SPAG16: variants seen among roughly 807,000 people sequenced by gnomAD.
SPAG16 encodes the protein sperm associated antigen 16.
A neutral mutation model predicts 80.4 loss-of-function variants in SPAG16; 86 were observed. The ratio of observed to expected loss-of-function variants is 1.07; its 90% CI spans 0.90 to 1.28. The LOEUF (loss-of-function observed/expected upper bound fraction) is 1.28, where lower values mean the gene tolerates loss of function less well. Among genes scored for constraint, SPAG16 ranks in the 50% most tolerant of loss-of-function variants. The pLI, the probability that SPAG16 is intolerant of heterozygous loss-of-function variation, is 0.00. For synonymous variants in SPAG16, 294 were observed against 265.9 expected, an observed-to-expected ratio of 1.11 and a Z score of -1.03; for missense variants, 870 against 765.3, an observed-to-expected ratio of 1.14 and a Z score of -1.61.
intron 11 of SPAG16, among the ~76,000 whole-genome samples, chr2:213,915,177 T>A (rs749346731): frequency 6.6e-6 from 1 of 152,000 alleles, no homozygotes; most frequent in Non-Finnish European, 1.5e-5. Context: ...ATGTGCAGAA[T>A]GTGCAGGTTT....
intron 12 of SPAG16, among the ~76,000 whole-genome samples, chr2:213,948,743 C>T (rs997204342): frequency 6.6e-6 from 1 of 152,156 alleles, no homozygotes; most frequent in Admixed American, 6.6e-5. Context: ...TTATTCTCTG[C>T]CTCACATTTT....
intron 15 of SPAG16, among the ~76,000 whole-genome samples, chr2:214,150,955 A>T (rs1238517466): frequency 6.6e-6 from 1 of 152,018 alleles, no homozygotes; most frequent in Non-Finnish European, 1.5e-5. Context: ...GTGATACACT[A>T]ATATTAAGAA....
rs1247851541 is a variant in SPAG16 at position 213,284,548 on chromosome 2, G to T, written c.65G>T (p.Gly22Val). The T allele has an allele frequency of 3.1e-6, 5 of 1,604,812 alleles. No individual in the cohort carries two copies. The highest frequency in any genetic ancestry group is 1.7e-5 in the Admixed American group (1 of 58,856). ...GTCCTGGAAGAGGCGTTGGGCATGGGTTTGACGGCAGCCGGGGACGCGAGG... is the reference window on the plus strand; with the variant it reads ...GTCCTGGAAGAGGCGTTGGGCATGGTTTTGACGGCAGCCGGGGACGCGAGG... The part of the protein sequence containing the change: ...VRVLEEALGM[G>V]LTAAGDARDT... Residue 22 changes from glycine (G) to valine (V), a missense_variant, in exon 1 of 16, where the codon GGT (glycine) becomes GTT (valine). Transcript: ENST00000331683.
At chr2:213,876,274 C>T (rs1385933841) in intron 11 of SPAG16, among the ~76,000 whole-genome samples, 1 of 112,302 alleles carries the variant, frequency 8.9e-6, no homozygotes, top group African/African-American at 3.5e-5. Flanking sequence ...CATAAGGGGA[C>T]AGAAAATCTG....
chr2:214,150,970 A>G (rs1007356665), intron 15 of SPAG16, among the ~76,000 whole-genome samples: 2 of 152,096 alleles, frequency 1.3e-5, no homozygotes, highest in African/African-American at 4.8e-5. Context: ...TAAGAAAAGC[A>G]TAAGAATCAG....
At chr2:213,876,048 A>C (rs943431344) in intron 11 of SPAG16, among the ~76,000 whole-genome samples, 1 of 152,248 alleles carries the variant, frequency 6.6e-6, no homozygotes, top group Admixed American at 6.5e-5. Context: ...CCTAACTTTG[A>C]TGAAGAAAAT....
chr2:214,091,720 A>G (rs1471702490), intron 13 of SPAG16, among the ~76,000 whole-genome samples: 1 of 152,092 alleles, frequency 6.6e-6, no homozygotes, highest in South Asian at 2.1e-4. Context: ...TTATGCATTT[A>G]AATATGTCTG....
At chr2:213,797,436 G>A (rs1343286472) in intron 10 of SPAG16, among the ~76,000 whole-genome samples, 1 of 152,054 alleles carries the variant, frequency 6.6e-6, no homozygotes, top group East Asian at 1.9e-4. Flanking sequence ...TGGATTTTTA[G>A]CATTACTTTT....
intron 10 of SPAG16, among the ~76,000 whole-genome samples, chr2:213,527,842 A>G (rs927497531): frequency 6.6e-6 from 1 of 152,232 alleles, no homozygotes; most frequent in Admixed American, 6.5e-5. Flanking sequence ...ACCCATCTGT[A>G]TATTTCTTGC....
At chr2:213,999,831 A>G (rs1168335808) in intron 12 of SPAG16, among the ~76,000 whole-genome samples, 2 of 152,190 alleles carry the variant, frequency 1.3e-5, no homozygotes, top group Non-Finnish European at 2.9e-5. Context: ...TTAAAATTTG[A>G]CTGCCTCACT....
chr2:213,859,780 G>A (rs1232926622), intron 10 of SPAG16, among the ~76,000 whole-genome samples: 1 of 152,100 alleles, frequency 6.6e-6, no homozygotes, highest in Non-Finnish European at 1.5e-5. Context: ...AATACTGATA[G>A]TACCAACATC....
intron 15 of SPAG16, among the ~76,000 whole-genome samples, chr2:214,248,268 T>A (rs1286543227): frequency 6.7e-6 from 1 of 149,006 alleles, no homozygotes; most frequent in Non-Finnish European, 1.5e-5. Context: ...ATACCTGCTA[T>A]GTGCTGGGTA....
At chr2:214,347,349 G>GTT (rs34525160) in intron 15 of SPAG16, among the ~76,000 whole-genome samples, 247 of 148,764 alleles carry the variant, frequency 1.7e-3, no homozygotes, top group Middle Eastern at 0.01. Context: ...AAATATTAGG[G>GTT]TTTTTTTTTT....
chr2:213,940,106 A>C (rs1372156924), intron 12 of SPAG16, among the ~76,000 whole-genome samples: 2 of 152,240 alleles, frequency 1.3e-5, no homozygotes, highest in Non-Finnish European at 2.9e-5. Context: ...ACAAAATTTT[A>C]AACTAGAAAC....
intron 12 of SPAG16, among the ~76,000 whole-genome samples, chr2:214,012,556 A>G (rs2047366254): frequency 6.6e-6 from 1 of 151,678 alleles, no homozygotes; most frequent in African/African-American, 2.4e-5. Context: ...CGGCCTCCCA[A>G]AGTGGTTGGA....
At chr2:213,676,221 T>G (rs1255812722) in intron 10 of SPAG16, among the ~76,000 whole-genome samples, 1 of 152,200 alleles carries the variant, frequency 6.6e-6, no homozygotes, top group African/African-American at 2.4e-5. Context: ...GTGATTTTTG[T>G]ACATTGATTT....
chr2:214,251,285 A>G (rs1441423036), intron 15 of SPAG16, among the ~76,000 whole-genome samples: 1 of 152,034 alleles, frequency 6.6e-6, no homozygotes, highest in Non-Finnish European at 1.5e-5. Flanking sequence ...AAGAAAAAAA[A>G]AAAGTCACTG....
At chr2:213,466,612 C>A (rs2072712627) in intron 9 of SPAG16, among the ~76,000 whole-genome samples, 1 of 152,106 alleles carries the variant, frequency 6.6e-6, no homozygotes, top group Non-Finnish European at 1.5e-5. Context: ...TCTCCTCTGA[C>A]AAGAGTAGAC....
At chr2:214,120,849 A>T (rs2054186312) in intron 14 of SPAG16, among the ~76,000 whole-genome samples, 1 of 151,838 alleles carries the variant, frequency 6.6e-6, no homozygotes, top group Non-Finnish European at 1.5e-5. Context: ...GATGATTTTC[A>T]AGTAAATCCC....
Sources: allele counts gnomAD v4.1 joint callset (sites outside exome capture counted in the v4.1 genomes callset), GRCh38; gene constraint gnomAD v4.1.1; transcripts MANE v1.5; gene names NCBI Gene and HGNC (gene_info 2026-07-23, HGNC 2026-07-21).